The following KHDRBS2 variants were observed in gnomAD, a reference collection of about 807,000 sequenced individuals.
KHDRBS2 encodes the protein KH RNA binding domain containing, signal transduction associated 2.
Under a neutral mutation model 44.3 loss-of-function variants are expected in KHDRBS2, and 26 were observed. The ratio of observed to expected loss-of-function variants is 0.59; its 90% confidence interval spans 0.43 to 0.81. The LOEUF (loss-of-function observed/expected upper bound fraction) is 0.81. KHDRBS2 is among the 40% of genes least tolerant of loss of function. KHDRBS2 has a pLI of 0.00. For synonymous variants in KHDRBS2, 194 were observed against 151.1 expected, an observed-to-expected ratio of 1.28 and a Z score of -2.08; for missense variants, 476 against 433.1, an observed-to-expected ratio of 1.10 and a Z score of -0.88.
chr6:62,226,255 T>C (rs1222754408), intron 1 of KHDRBS2, among the ~76,000 whole-genome samples: 2 of 152,232 alleles, frequency 1.3e-5, no homozygotes, highest in East Asian at 3.9e-4. Context: ...TGGTATCTTA[T>C]TGTAATTTTG....
the KHDRBS2 span, among the ~76,000 whole-genome samples, chr6:61,553,809 C>T: frequency 0.81 from 122,650 of 152,134 alleles, 49,921 homozygotes; most frequent in African/African-American, 0.91. Flanking sequence ...TTATAGGTTT[C>T]CAGGGACTTT....
intron 2 of KHDRBS2, among the ~76,000 whole-genome samples, chr6:62,061,688 T>G (rs902656212): frequency 1.3e-5 from 2 of 151,228 alleles, no homozygotes; most frequent in Non-Finnish European, 2.9e-5. Context: ...CTTTGTGGCC[T>G]TCTCTGTATT....
intron 1 of KHDRBS2, among the ~76,000 whole-genome samples, chr6:62,183,744 T>C (rs922185707): frequency 6.6e-6 from 1 of 151,588 alleles, no homozygotes; most frequent in African/African-American, 2.4e-5. Flanking sequence ...GTTAATGAAA[T>C]GAAAATGACC....
chr6:62,063,430 C>G (rs1332972507), intron 2 of KHDRBS2, among the ~76,000 whole-genome samples: 1 of 151,266 alleles, frequency 6.6e-6, no homozygotes, highest in Non-Finnish European at 1.5e-5. Flanking sequence ...GCTTACCCAC[C>G]ATGATCAAGT....
intron 1 of KHDRBS2, among the ~76,000 whole-genome samples, chr6:62,246,519 A>T (rs146105542): frequency 6.6e-6 from 1 of 152,180 alleles, no homozygotes; most frequent in Non-Finnish European, 1.5e-5. Flanking sequence ...TACAGCTCAC[A>T]AACTTTAAAT....
intron 2 of KHDRBS2, among the ~76,000 whole-genome samples, chr6:62,144,929 A>G (rs1813610206): frequency 6.6e-6 from 1 of 151,944 alleles, no homozygotes. Context: ...TTAGTGCATT[A>G]GGGAGCTACC....
intron 6 of KHDRBS2, among the ~76,000 whole-genome samples, chr6:61,879,152 T>C (rs1338527613): frequency 6.6e-6 from 1 of 151,972 alleles, no homozygotes; most frequent in Non-Finnish European, 1.5e-5. Context: ...AGTATATACC[T>C]ACTTAGTTCT....
At chr6:61,690,186 C>A (rs1767239209) in intron 8 of KHDRBS2, among the ~76,000 whole-genome samples, 1 of 151,716 alleles carries the variant, frequency 6.6e-6, no homozygotes, top group African/African-American at 2.4e-5. Flanking sequence ...GTGGCATATC[C>A]CTGGATATAT....
At chr6:62,272,115 T>C (rs1411068291) in intron 1 of KHDRBS2, among the ~76,000 whole-genome samples, 1 of 152,170 alleles carries the variant, frequency 6.6e-6, no homozygotes, top group Non-Finnish European at 1.5e-5. Flanking sequence ...TATGTTTAGG[T>C]ATACAAATAC....
the KHDRBS2 span, among the ~76,000 whole-genome samples, chr6:61,588,823 C>A: frequency 3.3e-5 from 5 of 152,008 alleles, no homozygotes. Context: ...ACCCAAATGG[C>A]CATCAATAAT....
At chr6:61,755,141 T>C (rs1199992674) in intron 6 of KHDRBS2, among the ~76,000 whole-genome samples, 1 of 152,180 alleles carries the variant, frequency 6.6e-6, no homozygotes, top group Non-Finnish European at 1.5e-5. Flanking sequence ...ATGCAGGATA[T>C]TATTTTTGAG....
chr6:62,196,008 A>T (rs1585151447), intron 1 of KHDRBS2, among the ~76,000 whole-genome samples: 1 of 152,326 alleles, frequency 6.6e-6, no homozygotes, highest in African/African-American at 2.4e-5. Context: ...AGCATCTGTT[A>T]TGGATTCTAG....
intron 3 of KHDRBS2, among the ~76,000 whole-genome samples, chr6:62,011,130 G>A (rs1171397177): frequency 6.6e-6 from 1 of 152,056 alleles, no homozygotes; most frequent in Non-Finnish European, 1.5e-5. Flanking sequence ...GTACAAACAG[G>A]TTGGTGTGAA....
intron 2 of KHDRBS2, among the ~76,000 whole-genome samples, chr6:62,119,689 A>G (rs1807126641): frequency 6.6e-6 from 1 of 152,186 alleles, no homozygotes; most frequent in South Asian, 2.1e-4. Flanking sequence ...TTGCCAGAGG[A>G]AACAGCCTCC....
intron 4 of KHDRBS2, among the ~76,000 whole-genome samples, chr6:61,951,904 T>C (rs59983009): frequency 0.37 from 32,622 of 88,798 alleles, 3,755 homozygotes; most frequent in Admixed American, 0.48. Flanking sequence ...GTAGTTACAA[T>C]TTTTTCAGTT....
At chr6:61,646,636 C>G in the KHDRBS2 span, among the ~76,000 whole-genome samples, 5 of 152,078 alleles carry the variant, frequency 3.3e-5, no homozygotes, top group Non-Finnish European at 5.9e-5. Flanking sequence ...ATTTGGCTTT[C>G]ACATATGTTC....
chr6:61,789,733 G>A (rs1784354853), intron 6 of KHDRBS2, among the ~76,000 whole-genome samples: 1 of 151,184 alleles, frequency 6.6e-6, no homozygotes. Context: ...TATTTCTTTG[G>A]GTCTAGAGTT....
intron 6 of KHDRBS2, among the ~76,000 whole-genome samples, chr6:61,748,279 A>C (rs535498737): frequency 9.9e-5 from 15 of 152,190 alleles, no homozygotes; most frequent in African/African-American, 3.4e-4. Flanking sequence ...GTGAGCCACC[A>C]CACCCAGACT....
chr6:62,029,549 G>A (rs559995109), intron 3 of KHDRBS2, among the ~76,000 whole-genome samples: 1 of 151,984 alleles, frequency 6.6e-6, no homozygotes, highest in South Asian at 2.1e-4. Context: ...TTTAATTCCT[G>A]TGCAATAGGC....
Sources: allele counts gnomAD v4.1 joint callset (sites outside exome capture counted in the v4.1 genomes callset), GRCh38; gene constraint gnomAD v4.1.1; transcripts MANE v1.5; gene names NCBI Gene and HGNC (gene_info 2026-07-23, HGNC 2026-07-21).